The following PTPRN2 variants were observed in gnomAD, a reference collection of about 807,000 sequenced individuals.
The protein encoded by PTPRN2 is protein tyrosine phosphatase receptor type N2, also known as receptor-type tyrosine-protein phosphatase N2.
A neutral mutation model predicts 118.8 loss-of-function variants in PTPRN2; 74 were observed. The ratio of observed to expected loss-of-function variants is 0.62; its 90% CI spans 0.52 to 0.76. The LOEUF is 0.76. Among genes scored for constraint, PTPRN2 ranks in the 30% least tolerant of loss-of-function variants. The pLI, the probability that PTPRN2 is intolerant of heterozygous loss-of-function variation, is 0.00. For synonymous variants in PTPRN2, 641 were observed against 608.0 expected, an observed-to-expected ratio of 1.05 and a Z score of -0.80; for missense variants, 1,481 against 1,394.4, an observed-to-expected ratio of 1.06 and a Z score of -0.99.
intron 1 of PTPRN2, among the ~76,000 whole-genome samples, chr7:158,527,377 G>A (rs528771856): frequency 3.9e-5 from 6 of 152,334 alleles, no homozygotes; most frequent in Admixed American, 3.3e-4. Flanking sequence ...GCGTCTCCGT[G>A]TCCAGTCCTT....
rs1054907557 is a variant in PTPRN2, at chr7:157,729,067, C to T, written c.1789-46130G>A. 2.0e-5 allele frequency among the ~76,000 whole-genome samples: 3 copies of T among 152,032 alleles called. No homozygotes were observed. Among genetic ancestry groups the T allele is most frequent in the Admixed American group, 6.5e-5 (1 of 15,282 alleles). ...AGACAATGGGAATCTGGGCTGATAC[C>T]GGGCCTTTGAAAATAGTCGGGGAGG... On this transcript the variant is annotated intron_variant, in intron 12 of 22. Coordinates refer to ENST00000389418, the MANE Select transcript of PTPRN2 (RefSeq NM_002847.5). This position sits in a 1 kb window ranked among gnomAD's most constrained non-coding sequence, Gnocchi z 4.3.
At chr7:157,854,219 G>A (rs559454048) in intron 12 of PTPRN2, among the ~76,000 whole-genome samples, 1 of 152,338 alleles carries the variant, frequency 6.6e-6, no homozygotes, top group Non-Finnish European at 1.5e-5. Flanking sequence ...GCCTACATTG[G>A]GTGCTGCTGA....
chr7:158,406,756 G>A (rs968511238), intron 2 of PTPRN2, among the ~76,000 whole-genome samples: 2 of 152,336 alleles, frequency 1.3e-5, no homozygotes, highest in South Asian at 4.1e-4. Context: ...TGGATACCTG[G>A]CTAAACTTCA....
chr7:158,392,527 G>A (rs1019957611), intron 2 of PTPRN2, among the ~76,000 whole-genome samples: 6 of 152,202 alleles, frequency 3.9e-5, no homozygotes, highest in Non-Finnish European at 5.9e-5. Context: ...CTCCACGTGG[G>A]GGCACGGCCC....
In PTPRN2 at chr7:157,874,208, C is replaced by T. The variant is rs1258099684; in HGVS notation, c.1788+24465G>A. On this transcript the variant is annotated intron_variant, in intron 12 of 22. Transcript: ENST00000389418. The surrounding 1 kb of genome is among the most constrained non-coding windows in gnomAD (Gnocchi z 5.8). ...GTCTGCCTCTGGCCTCCCTCTGTTT[C>T]CCCCTCCACAACTGGGCAGGCTGCT... is the stretch of plus-strand genomic sequence containing the variant. 6.6e-6 allele frequency among the ~76,000 whole-genome samples: 1 copy of T among 152,186 alleles called. No homozygotes were observed. Among genetic ancestry groups the T allele is most frequent in the Non-Finnish European group, 1.5e-5 (1 of 68,018 alleles).
chr7:157,903,256 G>C lies in PTPRN2; in HGVS notation c.1724-4519C>G, dbSNP rs1797573052. On this transcript the variant is annotated intron_variant, in intron 11 of 22. Transcript: ENST00000389418. The surrounding 1 kb of genome is among the most constrained non-coding windows in gnomAD (Gnocchi z 4.2). The stretch of plus-strand genomic sequence containing the variant: ...AGAGATGGGAACAACAGACACGTAA[G>C]AGGGAATGTGAGAGGGAATGTGAGA... Among the ~76,000 whole-genome samples, 1 of 151,898 alleles carries C rather than the reference G, an allele frequency of 6.6e-6. No homozygotes were observed. Among genetic ancestry groups the C allele is most frequent in the African/African-American group, 2.4e-5 (1 of 41,220 alleles).
chr7:158,087,361 G>A (rs948333911), intron 10 of PTPRN2, among the ~76,000 whole-genome samples: 5 of 152,168 alleles, frequency 3.3e-5, no homozygotes, highest in South Asian at 4.1e-4. Context: ...AAATGGCCAC[G>A]TCAGGGTAGA....
intron 11 of PTPRN2, among the ~76,000 whole-genome samples, chr7:157,971,359 T>C (rs1158315108): frequency 6.6e-6 from 1 of 152,218 alleles, no homozygotes; most frequent in Non-Finnish European, 1.5e-5. Flanking sequence ...CAGGTGAGTC[T>C]GGGGATATTC....
intron 4 of PTPRN2, among the ~76,000 whole-genome samples, chr7:158,195,957 TC>T (rs1420698754): frequency 3.3e-5 from 5 of 152,220 alleles, no homozygotes; most frequent in Non-Finnish European, 7.3e-5. Context: ...AGTTCAACCC[TC>T]TCGGTTCTTA....
chr7:157,655,929 C>T (rs890894609), intron 14 of PTPRN2, among the ~76,000 whole-genome samples: 10 of 151,878 alleles, frequency 6.6e-5, no homozygotes, highest in African/African-American at 2.4e-4. Flanking sequence ...CTCCTCCTGC[C>T]TTGCTGTCAC....
At chr7:158,556,914 C>G (rs915506674) in intron 1 of PTPRN2, among the ~76,000 whole-genome samples, 3 of 147,164 alleles carry the variant, frequency 2.0e-5, no homozygotes, top group African/African-American at 7.6e-5. Context: ...GCAGGTCGCT[C>G]CCACGCAGGT....
rs1803334980 is a variant in PTPRN2, at chr7:157,622,716, T to C, written c.2197-1207A>G. On this transcript the variant is annotated intron_variant, in intron 14 of 22. Transcript: ENST00000389418. The surrounding 1 kb of genome is among the most constrained non-coding windows in gnomAD (Gnocchi z 5.3). Reference sequence around the variant, plus strand: ...CACCCCCGCATCTGGGTGGGTGTGGTGGTGAGGGACAATCGCCTGGCTCAG... The same window carrying C: ...CACCCCCGCATCTGGGTGGGTGTGGCGGTGAGGGACAATCGCCTGGCTCAG... Among the ~76,000 whole-genome samples, 1 of 152,056 alleles carries C rather than the reference T, an allele frequency of 6.6e-6. No homozygotes were observed. The highest frequency in any genetic ancestry group is 2.1e-4 in the South Asian group (1 of 4,826).
chr7:158,060,961 G>T lies in PTPRN2; in HGVS notation c.1723+20337C>A, dbSNP rs1810283127. Among the ~76,000 whole-genome samples, 2 of 152,224 alleles carry T rather than the reference G, an allele frequency of 1.3e-5. 1 individual carries two copies. Among genetic ancestry groups the T allele is most frequent in the South Asian group, 4.1e-4 (2 of 4,834 alleles). Reference sequence around the variant, plus strand: ...GCTTTCAGCGCAGTATTTATGAGCTGCATTTCTTTCAAAACATTCTATCAA... The same window carrying T: ...GCTTTCAGCGCAGTATTTATGAGCTTCATTTCTTTCAAAACATTCTATCAA... On this transcript the variant is annotated intron_variant, in intron 11 of 22. Transcript: ENST00000389418.
At chr7:158,419,099 C>T (rs886106631) in intron 2 of PTPRN2, among the ~76,000 whole-genome samples, 2 of 152,190 alleles carry the variant, frequency 1.3e-5, no homozygotes, top group African/African-American at 4.8e-5. Context: ...TGACTCTGAC[C>T]CTCTTGCCAT....
intron 2 of PTPRN2, among the ~76,000 whole-genome samples, chr7:158,371,704 G>A (rs747216815): frequency 6.6e-6 from 1 of 152,124 alleles, no homozygotes; most frequent in African/African-American, 2.4e-5. Context: ...CTAAGGAAAT[G>A]ATTCATATGC....
Position 157,563,014 on chromosome 7 carries a change from G to A in PTPRN2, c.2902+5888C>T, listed in dbSNP as rs1269553730. Among the ~76,000 whole-genome samples, 41 of 103,392 alleles carry A rather than the reference G, an allele frequency of 4.0e-4. 3 individuals carry two copies. Among genetic ancestry groups the A allele is most frequent in the African/African-American group, 1.7e-3 (38 of 22,564 alleles). The allele number at this position is 103,392 out of a possible 152,430, so 67.8% of individuals were successfully genotyped here. A position where few individuals can be genotyped will look rare whatever the true frequency, so the allele number is the denominator to read the frequency against. On this transcript the variant is annotated intron_variant, in intron 21 of 22. Transcript: ENST00000389418. ...GCAGATCAGGACCACATGCTCCCAC[G>A]TCACCACACACAGCAGATCAGGACC...
intron 11 of PTPRN2, among the ~76,000 whole-genome samples, chr7:158,065,205 C>T (rs1446917340): frequency 7.9e-5 from 12 of 152,220 alleles, no homozygotes; most frequent in Admixed American, 6.5e-4. Context: ...GGAACACCAA[C>T]GTCTCTCCTG....
chr7:158,018,067 G>A (rs891249205), intron 11 of PTPRN2, among the ~76,000 whole-genome samples: 5 of 152,168 alleles, frequency 3.3e-5, no homozygotes, highest in African/African-American at 4.8e-5. Flanking sequence ...CGAGTAGTGG[G>A]TTTGAAAGTT....
At chr7:158,122,577 A>T (rs951058021) in intron 9 of PTPRN2, among the ~76,000 whole-genome samples, 4 of 152,214 alleles carry the variant, frequency 2.6e-5, no homozygotes, top group Non-Finnish European at 4.4e-5. Context: ...AGAGTAGTAA[A>T]AACTCTGGGA....
Sources: allele counts gnomAD v4.1 joint callset (sites outside exome capture counted in the v4.1 genomes callset), GRCh38; gene constraint gnomAD v4.1.1; non-coding constraint Gnocchi (gnomAD v3.1); transcripts MANE v1.5; gene names NCBI Gene and HGNC (gene_info 2026-07-23, HGNC 2026-07-21).